Variants in FCRL4 observed in about 807,000 individuals in gnomAD.
The protein encoded by FCRL4 is Fc receptor like 4.
A neutral mutation model predicts 64.1 loss-of-function variants in FCRL4; 43 were observed. That is an observed-to-expected ratio of 0.67 (90% CI 0.53 to 0.87). The LOEUF is 0.87. Among genes scored for constraint, FCRL4 ranks in the 40% least tolerant of loss-of-function variants. The pLI is 0.00. For synonymous variants in FCRL4, 253 were observed against 239.8 expected (o/e 1.05, Z -0.51); for missense variants, 656 against 613.5 (o/e 1.07, Z -0.73).
intron 3 of FCRL4, among the ~76,000 whole-genome samples, chr1:157,588,473 C>A (rs904704938): frequency 1.3e-5 from 2 of 152,166 alleles, no homozygotes; most frequent in African/African-American, 4.8e-5. Flanking sequence ...AAAGAAGTGG[C>A]ACTTAGAGAA....
chr1:157,579,310 C>A (rs984048168), intron 8 of FCRL4, among the ~76,000 whole-genome samples: 1 of 152,140 alleles, frequency 6.6e-6, no homozygotes, highest in Non-Finnish European at 1.5e-5. Context: ...GTCAAGACTG[C>A]AGGAAACTGA....
chr1:157,590,934 A>G (rs994885695), intron 2 of FCRL4, among the ~76,000 whole-genome samples: 1 of 152,236 alleles, frequency 6.6e-6, no homozygotes, highest in Admixed American at 6.5e-5. Flanking sequence ...TGAAAAGCAG[A>G]TTCATAGGAG....
Position 157,586,480 on chromosome 1 carries a change from G to T in FCRL4, c.848-25C>A, listed in dbSNP as rs767236734. The T allele has an allele frequency of 4.4e-6, 7 of 1,584,036 alleles. No homozygotes were observed. In the South Asian group the frequency reaches 7.9e-5, roughly 18 times the overall value. ...CCTATGTGAAAATGAGACCACAGGTGGGGGTCGGGTGTGAAGGAGGGCAGG... is the reference window on the plus strand; with the variant it reads ...CCTATGTGAAAATGAGACCACAGGTTGGGGTCGGGTGTGAAGGAGGGCAGG... On this transcript the variant is annotated intron_variant, in intron 5 of 11. Coordinates refer to ENST00000271532, the MANE Select transcript of FCRL4 (RefSeq NM_031282.3).
At chr1:157,587,209 T>A in intron 5 of FCRL4, 67 bp downstream of exon 5, 1 of 1,552,666 alleles carries the variant, frequency 6.4e-7, no homozygotes, top group Non-Finnish European at 8.8e-7. Context: ...TGCTACATAG[T>A]CCCCATGCCT....
At chr1:157,581,252 A>G (rs1652552945) in intron 7 of FCRL4, among the ~76,000 whole-genome samples, 1 of 152,240 alleles carries the variant, frequency 6.6e-6, no homozygotes, top group Non-Finnish European at 1.5e-5. Flanking sequence ...TAAACTGTTC[A>G]GATAAAGTTT....
At chr1:157,593,447 T>C (rs890810687) in intron 2 of FCRL4, among the ~76,000 whole-genome samples, 1 of 152,190 alleles carries the variant, frequency 6.6e-6, no homozygotes, top group African/African-American at 2.4e-5. Context: ...TTCAGTTACT[T>C]AAGACAGGTT....
chr1:157,593,756 A>G (rs1652892219), intron 2 of FCRL4, among the ~76,000 whole-genome samples: 1 of 152,198 alleles, frequency 6.6e-6, no homozygotes, highest in Non-Finnish European at 1.5e-5. Context: ...TATATCTTCT[A>G]AGAAGAAACT....
rs1652348716 is a variant in FCRL4 at position 157,574,104 on chromosome 1, C to T, written c.*1420G>A. ...ATCAGCGTAGTTGGGATATCTGTCACCTTAAATATTCGTCTTTTCTTTATG... is the reference window on the plus strand; with the variant it reads ...ATCAGCGTAGTTGGGATATCTGTCATCTTAAATATTCGTCTTTTCTTTATG... On this transcript the variant is annotated 3_prime_UTR_variant, in exon 12 of 12. Transcript: ENST00000271532. 4.6e-6 allele frequency: 1 copy of T among 217,626 alleles called. No homozygotes were observed. Among genetic ancestry groups the T allele is most frequent in the Non-Finnish European group, 9.2e-6 (1 of 108,286 alleles). The allele number at this position is 217,626 out of a possible 1,614,324, so 13.5% of individuals were successfully genotyped here.
intron 2 of FCRL4, among the ~76,000 whole-genome samples, chr1:157,594,664 T>C (rs553603251): frequency 5.0e-4 from 76 of 152,346 alleles, no homozygotes; most frequent in African/African-American, 1.8e-3. Context: ...GAGGACTGTC[T>C]ACATTTAAAG....
chr1:157,597,252 G>A (rs1652985336), intron 1 of FCRL4, among the ~76,000 whole-genome samples: 2 of 152,140 alleles, frequency 1.3e-5, no homozygotes, highest in Admixed American at 6.5e-5. Context: ...ACACTAATAG[G>A]TCTTCCCTTA....
rs1333892877 is a variant in FCRL4, at chr1:157,581,598, T to A, written c.1182A>T (p.Gly394=). The stretch of plus-strand genomic sequence containing the variant: ...CCAGGAGAAGAGCACTGAGCAGCCC[T>A]CCAGTGGCTCCCGCGGCGACAAGGC... ...RDGLVAAGAT[G]GLLSALLLAV... is the part of the protein sequence containing the mutation. Residue 394 remains glycine, a synonymous_variant, in exon 7 of 12, where the codon GGA becomes GGT. Coordinates refer to ENST00000271532, the MANE Select transcript of FCRL4 (RefSeq NM_031282.3). 6.2e-7 allele frequency: 1 copy of A among 1,614,056 alleles called. No homozygotes were observed. Among genetic ancestry groups the A allele is most frequent in the Non-Finnish European group, 8.5e-7 (1 of 1,179,986 alleles).
At chr1:157,575,840 TC>T (rs1652395689) in intron 10 of FCRL4, 110 bp from the exon 11 acceptor site, 1 of 949,914 alleles carries the variant, frequency 1.1e-6, no homozygotes, top group African/African-American at 1.6e-5. Context: ...GTCCACCTCA[TC>T]CCCTCCACCT....
chr1:157,575,488 C>G lies in FCRL4; in HGVS notation c.*36G>C, dbSNP rs1301008674. On this transcript the variant is annotated 3_prime_UTR_variant, in exon 12 of 12. Coordinates refer to ENST00000271532, the MANE Select transcript of FCRL4 (RefSeq NM_031282.3). ...CTGGGACTTTGGACAAGGGAGAAAT[C>G]ACATGAGTAGGACGTTCTCGTAACT... 9 of 1,527,914 alleles carry G rather than the reference C, an allele frequency of 5.9e-6. No homozygotes were observed. Among genetic ancestry groups the G allele is most frequent in the Non-Finnish European group, 8.1e-6 (9 of 1,106,402 alleles). The allele number at this position is 1,527,914 out of a possible 1,614,324, so 94.6% of individuals were successfully genotyped here. A position where few individuals can be genotyped will look rare whatever the true frequency, so the allele number is the denominator to read the frequency against.
chr1:157,591,476 G>C (rs939628991), intron 2 of FCRL4, among the ~76,000 whole-genome samples: 1 of 152,072 alleles, frequency 6.6e-6, no homozygotes, highest in African/African-American at 2.4e-5. Flanking sequence ...TATAGAAATT[G>C]GGAGGTCAAT....
rs1050281368 is a variant in FCRL4 at position 157,575,203 on chromosome 1, A to G, written c.*321T>C. The stretch of plus-strand genomic sequence containing the variant: ...ACCAAAATTTGTGCTTCTGTTTTTC[A>G]TAACAGTCCTTCTCTCTCTTTATCC... On this transcript the variant is annotated 3_prime_UTR_variant, in exon 12 of 12. Coordinates refer to ENST00000271532, the MANE Select transcript of FCRL4 (RefSeq NM_031282.3). The G allele has an allele frequency of 1.1e-5, 4 of 350,752 alleles. No individual in the cohort carries two copies. The highest frequency in any genetic ancestry group is 4.8e-5 in the South Asian group (1 of 20,760). The allele number at this position is 350,752 out of a possible 1,614,324, so 21.7% of individuals were successfully genotyped here. A position where few individuals can be genotyped will look rare whatever the true frequency, so the allele number is the denominator to read the frequency against.
chr1:157,593,016 T>G (rs915786217), intron 2 of FCRL4, among the ~76,000 whole-genome samples: 2 of 152,010 alleles, frequency 1.3e-5, no homozygotes, highest in Non-Finnish European at 2.9e-5. Context: ...TGTTCTCACT[T>G]GTAGGTGGGA....
chr1:157,575,844 C>T, intron 10 of FCRL4, 114 bp from the exon 11 acceptor site: 1 of 914,628 alleles, frequency 1.1e-6, no homozygotes, highest in Non-Finnish European at 1.8e-6. Context: ...ACCTCATCCC[C>T]TCCACCTCAT....
At chr1:157,580,283 G>T in intron 8 of FCRL4, 38 bp downstream of exon 8, 1 of 1,612,170 alleles carries the variant, frequency 6.2e-7, no homozygotes, top group South Asian at 1.1e-5. Flanking sequence ...TTGTGTACTC[G>T]GGAAACTAAA....
At chr1:157,586,522 G>A in intron 5 of FCRL4, 67 bp from the exon 6 acceptor site, 1 of 1,439,930 alleles carries the variant, frequency 6.9e-7, no homozygotes, top group Non-Finnish European at 9.4e-7. Flanking sequence ...TAGCTGGGGT[G>A]TTGGGCAGGG....
Sources: gnomAD v4.1 joint callset for allele counts (sites outside exome capture counted in the v4.1 genomes callset) on GRCh38, gnomAD v4.1.1 for gene constraint, MANE v1.5 for transcripts, NCBI Gene and HGNC (gene_info 2026-07-23, HGNC 2026-07-21) for gene names.